ALG14: variants seen among roughly 807,000 people sequenced by gnomAD.
ALG14 encodes the protein ALG14 UDP-N-acetylglucosaminyltransferase subunit.
A neutral mutation model predicts 22.8 loss-of-function variants in ALG14; 17 were observed. That is an observed-to-expected ratio of 0.75 (90% CI 0.51 to 1.12). The LOEUF (loss-of-function observed/expected upper bound fraction) is 1.12. Among genes scored for constraint, ALG14 ranks in the 50% most tolerant of loss-of-function variants. The pLI is 0.00. For synonymous variants in ALG14, 89 were observed against 103.7 expected, an observed-to-expected ratio of 0.86 and a Z score of 0.86; for missense variants, 288 against 271.8, an observed-to-expected ratio of 1.06 and a Z score of -0.42.
At chr1:95,056,391 T>A (rs1027782953) in intron 2 of ALG14, among the ~76,000 whole-genome samples, 46 of 152,340 alleles carry the variant, frequency 3.0e-4, no homozygotes, top group African/African-American at 1.0e-3. Context: ...ATGTTTATAA[T>A]TCTAGCACTT....
At chr1:95,050,272 T>C (rs979801063) in intron 2 of ALG14, among the ~76,000 whole-genome samples, 1 of 152,174 alleles carries the variant, frequency 6.6e-6, no homozygotes. Context: ...TATAGAGAGA[T>C]AGTTCAAGGC....
chr1:95,045,421 G>A (rs1674515362), intron 2 of ALG14, among the ~76,000 whole-genome samples: 1 of 152,018 alleles, frequency 6.6e-6, no homozygotes, highest in Non-Finnish European at 1.5e-5. Flanking sequence ...GGAAACCATT[G>A]ACAATGTTGG....
At chr1:95,054,688 CAA>C (rs926225800) in intron 2 of ALG14, among the ~76,000 whole-genome samples, 3 of 152,134 alleles carry the variant, frequency 2.0e-5, no homozygotes, top group African/African-American at 7.2e-5. Flanking sequence ...ATAACCATTA[CAA>C]AAAGAACACA....
chr1:95,069,762 G>A (rs1398520411), intron 1 of ALG14, among the ~76,000 whole-genome samples: 1 of 152,080 alleles, frequency 6.6e-6, no homozygotes, highest in Non-Finnish European at 1.5e-5. Context: ...ATACTCCCCT[G>A]AGGCTTGCCA....
intron 3 of ALG14, among the ~76,000 whole-genome samples, chr1:95,009,735 G>T (rs1449049648): frequency 1.3e-5 from 2 of 152,124 alleles, no homozygotes; most frequent in African/African-American, 4.8e-5. Flanking sequence ...TGTGGATTCT[G>T]GATTGGATGT....
rs191821562 is a variant in ALG14 at position 95,011,702 on chromosome 1, G to A, written c.420+15427C>T. 3.2e-3 allele frequency among the ~76,000 whole-genome samples: 488 copies of A among 151,974 alleles called. 1 individual carries two copies. The highest frequency in any genetic ancestry group is 0.011 in the African/African-American group (465 of 41,470). Reference sequence around the variant, plus strand: ...AGTGCTGGGATTACAGGTGTGAGCCGCCGTGCCCAGCCGAAAAATAAATTT... The same window carrying A: ...AGTGCTGGGATTACAGGTGTGAGCCACCGTGCCCAGCCGAAAAATAAATTT... On this transcript the variant is annotated intron_variant, in intron 3 of 3. Transcript: ENST00000370205.
At chr1:95,047,404 C>T (rs981804821) in intron 2 of ALG14, among the ~76,000 whole-genome samples, 6 of 151,964 alleles carry the variant, frequency 3.9e-5, no homozygotes, top group African/African-American at 7.2e-5. Context: ...AGTGCAGTGG[C>T]GTGATCTCGG....
At chr1:95,016,180 C>G (rs956043829) in intron 3 of ALG14, among the ~76,000 whole-genome samples, 2 of 152,148 alleles carry the variant, frequency 1.3e-5, no homozygotes, top group Admixed American at 6.6e-5. Context: ...ATGTAGACAG[C>G]ACCTGATACC....
chr1:95,071,436 C>T (rs145812757), intron 1 of ALG14, among the ~76,000 whole-genome samples: 7,697 of 151,980 alleles, frequency 0.051, 205 homozygotes, highest in South Asian at 0.066. Flanking sequence ...CCCAGCTACT[C>T]GGGAGGCTGA....
At chr1:94,999,712 T>A (rs1673008061) in intron 3 of ALG14, among the ~76,000 whole-genome samples, 1 of 152,216 alleles carries the variant, frequency 6.6e-6, no homozygotes, top group Admixed American at 6.5e-5. Flanking sequence ...ATGGAAACCT[T>A]CTTATCCTGC....
At chr1:95,018,554 C>CAAAAGAA (rs1189111304) in intron 3 of ALG14, among the ~76,000 whole-genome samples, 1 of 150,976 alleles carries the variant, frequency 6.6e-6, no homozygotes, top group Admixed American at 6.6e-5. Context: ...GAAAAAAAGA[C>CAAAAGAA]AAAAGAAAAA....
chr1:95,053,054 A>G (rs1026275786), intron 2 of ALG14, among the ~76,000 whole-genome samples: 7 of 152,184 alleles, frequency 4.6e-5, no homozygotes, highest in Non-Finnish European at 1.0e-4. Context: ...CTAACGCATC[A>G]GTAATCACAA....
intron 2 of ALG14, among the ~76,000 whole-genome samples, chr1:95,058,352 G>A (rs977398793): frequency 4.2e-5 from 6 of 143,702 alleles, no homozygotes; most frequent in Non-Finnish European, 7.5e-5. Context: ...AGTGGCTCAT[G>A]CTTGTAATCC....
At chr1:95,039,600 C>T (rs1674318311) in intron 2 of ALG14, among the ~76,000 whole-genome samples, 2 of 152,004 alleles carry the variant, frequency 1.3e-5, no homozygotes, top group Non-Finnish European at 2.9e-5. Context: ...TTGTTTGGAG[C>T]ATAATTTTGA....
chr1:95,072,729 AC>A (rs1411236145), intron 1 of ALG14, 33 bp downstream of exon 1: 1 of 1,612,778 alleles, frequency 6.2e-7, no homozygotes, highest in Non-Finnish European at 8.5e-7. Flanking sequence ...GTAGTGACCA[AC>A]CCAAGTCCGA....
At chr1:95,056,748 A>G (rs1363456014) in intron 2 of ALG14, among the ~76,000 whole-genome samples, 1 of 152,046 alleles carries the variant, frequency 6.6e-6, no homozygotes, top group Admixed American at 6.5e-5. Flanking sequence ...TCCTAAAGGA[A>G]AATATAAACA....
intron 2 of ALG14, among the ~76,000 whole-genome samples, chr1:95,039,829 C>T (rs978014336): frequency 6.6e-6 from 1 of 151,982 alleles, no homozygotes; most frequent in African/African-American, 2.4e-5. Flanking sequence ...AGAAACACAG[C>T]CTGGAGCAGA....
intron 3 of ALG14, among the ~76,000 whole-genome samples, chr1:94,985,132 T>A (rs1033856422): frequency 6.6e-6 from 1 of 152,186 alleles, no homozygotes; most frequent in Non-Finnish European, 1.5e-5. Context: ...ACTTTTTTTT[T>A]ATTTCTAGCA....
At chr1:94,996,278 G>C (rs1358688709) in intron 3 of ALG14, among the ~76,000 whole-genome samples, 1 of 151,978 alleles carries the variant, frequency 6.6e-6, no homozygotes, top group African/African-American at 2.4e-5. Flanking sequence ...GGAGATTGGG[G>C]ACCTCTGCTC....
Sources: allele counts gnomAD v4.1 joint callset (sites outside exome capture counted in the v4.1 genomes callset), GRCh38; gene constraint gnomAD v4.1.1; transcripts MANE v1.5; gene names NCBI Gene and HGNC (gene_info 2026-07-23, HGNC 2026-07-21).